FOXJ3: variants seen among roughly 807,000 people sequenced by gnomAD.
FOXJ3 encodes forkhead box J3, also known as forkhead box protein J3.
FOXJ3 carries 22 observed loss-of-function variants against 76.1 expected under a neutral mutation model. The ratio of observed to expected loss-of-function variants is 0.29; its 90% CI spans 0.21 to 0.41. FOXJ3 has a LOEUF of 0.41. Ranked by LOEUF, FOXJ3 falls within the 10% of genes least tolerant of loss-of-function variation. FOXJ3 has a pLI of 1.00. For missense variants in FOXJ3, 613 were observed against 762.1 expected (o/e 0.80, Z 2.30); for synonymous variants, 269 against 261.2 (o/e 1.03, Z -0.29).
At chr1:42,329,447 C>T (rs965754780) in intron 1 of FOXJ3, among the ~76,000 whole-genome samples, 2 of 152,148 alleles carry the variant, frequency 1.3e-5, no homozygotes, top group African/African-American at 2.4e-5. Context: ...TTATAAAACG[C>T]CACTGTGGTG....
intron 2 of FOXJ3, among the ~76,000 whole-genome samples, chr1:42,302,393 T>G (rs940433936): frequency 2.6e-5 from 4 of 152,202 alleles, no homozygotes; most frequent in African/African-American, 9.7e-5. Flanking sequence ...AATGCACAGG[T>G]GTCTGAGCTC....
At chr1:42,209,864 C>CT (rs2124350473) in intron 5 of FOXJ3, among the ~76,000 whole-genome samples, 1 of 152,288 alleles carries the variant, frequency 6.6e-6, no homozygotes, top group South Asian at 2.1e-4. Flanking sequence ...GATGGAACCC[C>CT]TTGGCCAGAA....
At chr1:42,207,310 C>A (rs1461338216) in intron 5 of FOXJ3, among the ~76,000 whole-genome samples, 3 of 152,154 alleles carry the variant, frequency 2.0e-5, no homozygotes, top group East Asian at 3.8e-4. Context: ...GAGTGTACAT[C>A]AGTTATAGTT....
intron 2 of FOXJ3, among the ~76,000 whole-genome samples, chr1:42,305,445 T>C (rs999589490): frequency 6.6e-6 from 1 of 152,216 alleles, no homozygotes; most frequent in Non-Finnish European, 1.5e-5. Flanking sequence ...GAGATACCTG[T>C]ACTCCCATAT....
chr1:42,216,889 T>C (rs912679270), intron 5 of FOXJ3, among the ~76,000 whole-genome samples: 4 of 150,082 alleles, frequency 2.7e-5, no homozygotes, highest in Non-Finnish European at 5.9e-5. Flanking sequence ...AAAACAGAGG[T>C]CAAACAGAAA....
intron 1 of FOXJ3, among the ~76,000 whole-genome samples, chr1:42,324,169 AGTATATATAAATT>A: frequency 7.6e-6 from 1 of 131,404 alleles, no homozygotes; most frequent in Admixed American, 8.2e-5. Flanking sequence ...GTGTATATAT[AGTATATATAAATT>A]CTAGGAATAT....
intron 2 of FOXJ3, chr1:42,280,337 A>G (rs1652603025): frequency 1.0e-6 from 1 of 977,970 alleles, no homozygotes; most frequent in Non-Finnish European, 1.2e-6. Context: ...GTTGATCCAT[A>G]ATTTTACCTT....
intron 1 of FOXJ3, among the ~76,000 whole-genome samples, chr1:42,318,587 C>T (rs1435202942): frequency 6.6e-6 from 1 of 152,132 alleles, no homozygotes; most frequent in African/African-American, 2.4e-5. Context: ...TCAGGTGATC[C>T]GCCCACCTCG....
rs1649166550 is a variant in FOXJ3 at position 42,241,816 on chromosome 1, GCCCAATTGGA to G, written c.445-13860_445-13851del. ...AGCCAAGCTGCCTTGAGGCCGAATG[GCCCAATTGGA>G]CCCACTAACACCACCGTCACACTAC... On this transcript the variant is annotated intron_variant, in intron 4 of 12. Transcript: ENST00000361346. Among the ~76,000 whole-genome samples, 3 of 152,128 alleles carry G rather than the reference GCCCAATTGGA, an allele frequency of 2.0e-5. No homozygotes were observed. In the South Asian group the frequency reaches 6.2e-4, roughly 31 times the overall value.
intron 8 of FOXJ3, among the ~76,000 whole-genome samples, 182 bp from the exon 9 acceptor site, chr1:42,191,901 GC>G (rs1443567147): frequency 6.6e-6 from 1 of 152,108 alleles, no homozygotes; most frequent in African/African-American, 2.4e-5. Flanking sequence ...GAAATATAAT[GC>G]CCCACCCTCA....
chr1:42,184,738 T>C (rs1258123713), intron 11 of FOXJ3, among the ~76,000 whole-genome samples: 2 of 152,058 alleles, frequency 1.3e-5, no homozygotes, highest in Middle Eastern at 3.4e-3. Context: ...AGTGGTGCCA[T>C]TTAAATAGGA....
chr1:42,201,053 T>A (rs866604204), intron 6 of FOXJ3, among the ~76,000 whole-genome samples: 9 of 152,342 alleles, frequency 5.9e-5, no homozygotes, highest in Admixed American at 1.3e-4. Context: ...TGTTTCTGAA[T>A]GCTAACATAA....
chr1:42,313,866 T>C (rs935950048), intron 1 of FOXJ3, among the ~76,000 whole-genome samples: 1 of 152,218 alleles, frequency 6.6e-6, no homozygotes, highest in Non-Finnish European at 1.5e-5. Flanking sequence ...TTACCTAGTC[T>C]TGTATTTTAA....
intron 5 of FOXJ3, among the ~76,000 whole-genome samples, chr1:42,213,825 G>C (rs1213696222): frequency 6.6e-6 from 1 of 152,112 alleles, no homozygotes; most frequent in Non-Finnish European, 1.5e-5. Flanking sequence ...AGGAGACACT[G>C]GTCAATGGGT....
chr1:42,180,451 G>A (rs550026642), intron 12 of FOXJ3, among the ~76,000 whole-genome samples: 9 of 152,058 alleles, frequency 5.9e-5, no homozygotes, highest in Admixed American at 6.5e-5. Context: ...TGTCTCCACC[G>A]TATCTTGACA....
chr1:42,309,359 G>A (rs982010607), intron 2 of FOXJ3, among the ~76,000 whole-genome samples: 3 of 152,076 alleles, frequency 2.0e-5, no homozygotes, highest in Non-Finnish European at 4.4e-5. Flanking sequence ...AAGAATGCTC[G>A]ACTACCACTT....
At chr1:42,290,080 G>T (rs1013545165) in intron 2 of FOXJ3, among the ~76,000 whole-genome samples, 7 of 152,072 alleles carry the variant, frequency 4.6e-5, no homozygotes, top group Non-Finnish European at 8.8e-5. Context: ...ATGTTTTAAG[G>T]AAAAAGTTCC....
chr1:42,276,475 G>C (rs994113691), intron 3 of FOXJ3, among the ~76,000 whole-genome samples: 20 of 152,278 alleles, frequency 1.3e-4, no homozygotes, highest in African/African-American at 4.8e-4. Flanking sequence ...AGTACAGTAA[G>C]TCTTCATTTA....
rs151143343 is a variant in FOXJ3, at chr1:42,290,551, A to C, written c.45-11879T>G. On this transcript the variant is annotated intron_variant, in intron 2 of 12. Coordinates refer to ENST00000361346, the MANE Select transcript of FOXJ3 (RefSeq NM_014947.5). ...GCAGCTTATACTTACCCAGACTCTA[A>C]GAATCTCTCTGCCTAAAATCCTTCT... is the stretch of plus-strand genomic sequence containing the variant. Among the ~76,000 whole-genome samples the C allele has an allele frequency of 2.2e-4, 33 of 152,304 alleles. No homozygotes were observed. In the East Asian group the frequency reaches 4.8e-3, roughly 22 times the overall value.
Sources: gnomAD v4.1 joint callset for allele counts (sites outside exome capture counted in the v4.1 genomes callset) on GRCh38, gnomAD v4.1.1 for gene constraint, MANE v1.5 for transcripts, NCBI Gene and HGNC (gene_info 2026-07-23, HGNC 2026-07-21) for gene names.